CTNNA3: variants seen among roughly 807,000 people sequenced by gnomAD.
The protein encoded by CTNNA3 is catenin alpha 3, also known as catenin alpha-3.
A neutral mutation model predicts 95.7 loss-of-function variants in CTNNA3; 76 were observed. The observed-to-expected ratio is 0.79, with a 90% CI of 0.66 to 0.96. The LOEUF (loss-of-function observed/expected upper bound fraction) is 0.96, where lower values mean the gene tolerates loss of function less well. CTNNA3 is among the 40% of genes least tolerant of loss of function. The pLI is 0.00. For synonymous variants in CTNNA3, 431 were observed against 374.4 expected (o/e 1.15, Z -1.74); for missense variants, 1,191 against 1,089.8 (o/e 1.09, Z -1.31).
intron 7 of CTNNA3, among the ~76,000 whole-genome samples, chr10:66,912,188 C>T (rs149573267): frequency 6.6e-6 from 1 of 152,076 alleles, no homozygotes; most frequent in Non-Finnish European, 1.5e-5. Context: ...ACCTCTACTT[C>T]CTAGAGTTGT....
intron 15 of CTNNA3, among the ~76,000 whole-genome samples, chr10:66,054,401 C>T (rs2080030977): frequency 1.3e-5 from 2 of 152,044 alleles, no homozygotes; most frequent in East Asian, 3.9e-4. Flanking sequence ...TACTGCTTGT[C>T]TTTTGGATAA....
At chr10:67,181,602 G>C (rs1231126362) in intron 6 of CTNNA3, among the ~76,000 whole-genome samples, 1 of 152,028 alleles carries the variant, frequency 6.6e-6, no homozygotes, top group Non-Finnish European at 1.5e-5. Context: ...ATAATCTTAT[G>C]TATAAGATTA....
intron 5 of CTNNA3, among the ~76,000 whole-genome samples, chr10:67,292,563 C>T (rs978269607): frequency 1.3e-5 from 2 of 151,814 alleles, no homozygotes; most frequent in African/African-American, 4.8e-5. Flanking sequence ...ATAATTAGTC[C>T]CCCTCCCATT....
chr10:66,000,095 T>C (rs2078741355), intron 15 of CTNNA3, among the ~76,000 whole-genome samples: 2 of 152,286 alleles, frequency 1.3e-5, no homozygotes, highest in Non-Finnish European at 1.5e-5. Flanking sequence ...GTAATAAAGA[T>C]AATTTTAAAA....
At chr10:66,171,865 T>A (rs900715792) in intron 13 of CTNNA3, among the ~76,000 whole-genome samples, 11 of 151,912 alleles carry the variant, frequency 7.2e-5, no homozygotes, top group African/African-American at 2.7e-4. Context: ...CAAAAAAAAT[T>A]AAAAAAAATC....
intron 10 of CTNNA3, among the ~76,000 whole-genome samples, chr10:66,565,645 C>A (rs1842681629): frequency 6.6e-6 from 1 of 152,094 alleles, no homozygotes; most frequent in Admixed American, 6.6e-5. Context: ...TGGAGTCGCG[C>A]CTGAGGTTGC....
chr10:67,329,302 T>C (rs1364422657), intron 5 of CTNNA3, among the ~76,000 whole-genome samples: 2 of 152,092 alleles, frequency 1.3e-5, no homozygotes, highest in Non-Finnish European at 2.9e-5. Flanking sequence ...ACCCAGGAGG[T>C]CAAGGCTGCA....
At chr10:66,161,727 G>A (rs189119952) in intron 13 of CTNNA3, among the ~76,000 whole-genome samples, 1 of 152,226 alleles carries the variant, frequency 6.6e-6, no homozygotes, top group Admixed American at 6.5e-5. Context: ...TGTGCTTCTT[G>A]TATTTGGATG....
chr10:66,334,324 G>A (rs1589104761), intron 12 of CTNNA3, among the ~76,000 whole-genome samples: 3 of 151,844 alleles, frequency 2.0e-5, no homozygotes, highest in East Asian at 1.9e-4. Context: ...TCCTAGCCTC[G>A]ATAGTCTTTA....
At chr10:66,434,214 A>G (rs900602890) in intron 11 of CTNNA3, among the ~76,000 whole-genome samples, 5 of 152,128 alleles carry the variant, frequency 3.3e-5, no homozygotes. Context: ...AATAGCATTG[A>G]ATCTATAAAT....
chr10:67,512,426 T>A (rs150147689), intron 5 of CTNNA3, among the ~76,000 whole-genome samples: 1 of 152,180 alleles, frequency 6.6e-6, no homozygotes, highest in Non-Finnish European at 1.5e-5. Context: ...TTTGAAGAGG[T>A]ATCTGCACTC....
chr10:66,222,168 T>G (rs2088966949), intron 13 of CTNNA3, among the ~76,000 whole-genome samples: 2 of 152,202 alleles, frequency 1.3e-5, no homozygotes, highest in Admixed American at 1.3e-4. Context: ...CCATCAATTC[T>G]GTTAACTCTC....
intron 5 of CTNNA3, among the ~76,000 whole-genome samples, chr10:67,465,139 TA>T (rs751137825): frequency 5.9e-4 from 86 of 145,498 alleles, no homozygotes; most frequent in Middle Eastern, 6.9e-3. Context: ...AATAAAGTCT[TA>T]TGCATGTGGT....
chr10:66,927,591 T>C lies in CTNNA3; in HGVS notation c.1048-152067A>G. The C allele has an allele frequency of 6.2e-6, 10 of 1,614,188 alleles. No homozygotes were observed. The highest frequency in any genetic ancestry group is 1.1e-5 in the South Asian group (1 of 91,088). ...TTTCCAAGCTCAACCTGGCCCTTTTTCCAAGGTTGGTCAGCCTTCAGAACC... is the reference window on the plus strand; with the variant it reads ...TTTCCAAGCTCAACCTGGCCCTTTTCCCAAGGTTGGTCAGCCTTCAGAACC... On this transcript the variant is annotated intron_variant, in intron 7 of 17. Transcript: ENST00000433211. The surrounding 1 kb of genome is among the most constrained non-coding windows in gnomAD (Gnocchi z 4.7).
At chr10:67,131,709 TA>T (rs1344384915) in intron 7 of CTNNA3, among the ~76,000 whole-genome samples, 2 of 152,012 alleles carry the variant, frequency 1.3e-5, no homozygotes, top group African/African-American at 4.8e-5. Flanking sequence ...AAAAATTATT[TA>T]AAAATAACCC....
intron 12 of CTNNA3, among the ~76,000 whole-genome samples, chr10:66,298,652 CT>C (rs938433800): frequency 6.6e-6 from 1 of 152,078 alleles, no homozygotes; most frequent in Non-Finnish European, 1.5e-5. Context: ...GCCTTTCACT[CT>C]TTAAGCCAAA....
Position 66,074,669 on chromosome 10 carries a change from G to A in CTNNA3, c.1978-5180C>T, listed in dbSNP as rs190926621. On this transcript the variant is annotated intron_variant, in intron 14 of 17. Coordinates refer to ENST00000433211, the MANE Select transcript of CTNNA3 (RefSeq NM_013266.4). ...TATTCTCTCAAAATTTTTAGAACATGTTGTCAGTTCTTCCCCCTAGATGTT... is the reference window on the plus strand; with the variant it reads ...TATTCTCTCAAAATTTTTAGAACATATTGTCAGTTCTTCCCCCTAGATGTT... Among the ~76,000 whole-genome samples the A allele has an allele frequency of 9.2e-5, 14 of 151,844 alleles. No individual in the cohort carries two copies. The East Asian group carries it at 1.7e-3, about 19-fold the overall frequency.
At chr10:67,062,247 T>C (rs1855800525) in intron 7 of CTNNA3, among the ~76,000 whole-genome samples, 1 of 152,176 alleles carries the variant, frequency 6.6e-6, no homozygotes, top group African/African-American at 2.4e-5. Context: ...TTACTCAGTG[T>C]GATCAAAAGC....
intron 13 of CTNNA3, among the ~76,000 whole-genome samples, chr10:66,141,207 T>A (rs2083599064): frequency 6.6e-6 from 1 of 151,460 alleles, no homozygotes; most frequent in Non-Finnish European, 1.5e-5. Flanking sequence ...TGCAGTGAGC[T>A]TAGATCATGC....
Sources: gnomAD v4.1 joint callset for allele counts (sites outside exome capture counted in the v4.1 genomes callset) on GRCh38, gnomAD v4.1.1 for gene constraint, Gnocchi (gnomAD v3.1) non-coding constraint, MANE v1.5 for transcripts, NCBI Gene and HGNC (gene_info 2026-07-23, HGNC 2026-07-21) for gene names.